Variants in SEMA3E observed in about 807,000 individuals in gnomAD.
The protein encoded by SEMA3E is semaphorin-3E.
SEMA3E carries 49 observed loss-of-function variants against 93.6 expected under a neutral mutation model. The ratio of observed to expected loss-of-function variants is 0.52; its 90% CI spans 0.42 to 0.66. The LOEUF is 0.66. SEMA3E is among the 30% of genes least tolerant of loss of function. The pLI is 0.00. For missense variants in SEMA3E, 906 were observed against 964.8 expected (o/e 0.94, Z 0.81); for synonymous variants, 363 against 330.7 (o/e 1.10, Z -1.06).
intron 4 of SEMA3E, among the ~76,000 whole-genome samples, chr7:83,466,097 ATATTT>A (rs1562794703): frequency 6.6e-6 from 1 of 152,156 alleles, no homozygotes; most frequent in African/African-American, 2.4e-5. Flanking sequence ...GTAAAATATT[ATATTT>A]TATTTATGTA....
chr7:83,387,907 A>T (rs181170572), intron 14 of SEMA3E, among the ~76,000 whole-genome samples: 20 of 132,528 alleles, frequency 1.5e-4, no homozygotes, highest in African/African-American at 4.4e-4. Context: ...TATATATATA[A>T]AATTCCAGAA....
At chr7:83,380,080 A>G (rs182035290) in intron 16 of SEMA3E, among the ~76,000 whole-genome samples, 26 of 151,884 alleles carry the variant, frequency 1.7e-4, no homozygotes, top group African/African-American at 6.0e-4. Flanking sequence ...AGTTAACTCA[A>G]CAACTTTCTC....
At chr7:83,578,674 AAAG>A (rs1792458330) in intron 1 of SEMA3E, among the ~76,000 whole-genome samples, 1 of 152,192 alleles carries the variant, frequency 6.6e-6, no homozygotes, top group Non-Finnish European at 1.5e-5. Flanking sequence ...GTTATAAAAA[AAAG>A]AAGGTAGAAA....
intron 4 of SEMA3E, among the ~76,000 whole-genome samples, chr7:83,451,463 C>A: frequency 6.6e-6 from 1 of 151,876 alleles, no homozygotes; most frequent in Non-Finnish European, 1.5e-5. Context: ...TGTAACAAAC[C>A]CATTCATTTA....
intron 9 of SEMA3E, 120 bp from the exon 10 acceptor site, chr7:83,402,896 A>T (rs544218452): frequency 3.3e-6 from 3 of 916,052 alleles, no homozygotes; most frequent in Non-Finnish European, 5.1e-6. Context: ...CAATTTCTTT[A>T]AGCAAAGAAT....
At chr7:83,496,078 T>C (rs1244998309) in intron 1 of SEMA3E, among the ~76,000 whole-genome samples, 1 of 151,958 alleles carries the variant, frequency 6.6e-6, no homozygotes, top group Non-Finnish European at 1.5e-5. Context: ...TTTTATGTCA[T>C]GTAATCATTG....
At chr7:83,521,779 C>A (rs1791055033) in intron 1 of SEMA3E, among the ~76,000 whole-genome samples, 1 of 152,070 alleles carries the variant, frequency 6.6e-6, no homozygotes, top group African/African-American at 2.4e-5. Context: ...GCCCTCCTGT[C>A]TCTTCATATA....
Position 83,367,173 on chromosome 7 carries a change from A to G in SEMA3E, c.*413T>C, listed in dbSNP as rs964315648. 7 of 219,390 alleles carry G rather than the reference A, an allele frequency of 3.2e-5. No individual in the cohort carries two copies. In the East Asian group the frequency reaches 8.5e-4, roughly 27 times the overall value. 13.6% of individuals were successfully genotyped at this position (219,390 alleles called of 1,614,324 possible). ...GTATCTTGTATTCTGCATATCTTAC[A>G]TTGTGATGGAAAAGAAAAATTCAGA... is the stretch of plus-strand genomic sequence containing the variant. On this transcript the variant is annotated 3_prime_UTR_variant, in exon 17 of 17. Coordinates refer to ENST00000643230, the MANE Select transcript of SEMA3E (RefSeq NM_012431.3).
chr7:83,555,359 CTTTT>C (rs1791866097), intron 1 of SEMA3E, among the ~76,000 whole-genome samples: 2 of 152,058 alleles, frequency 1.3e-5, no homozygotes, highest in Admixed American at 6.6e-5. Flanking sequence ...TGATGTGTTA[CTTTT>C]TTCTTTTTTC....
intron 5 of SEMA3E, 122 bp from the exon 6 acceptor site, chr7:83,408,609 T>A: frequency 9.0e-7 from 1 of 1,109,834 alleles, no homozygotes; most frequent in Non-Finnish European, 1.3e-6. Context: ...CTATTGCTGT[T>A]AGGAGCATGG....
intron 1 of SEMA3E, among the ~76,000 whole-genome samples, chr7:83,612,392 A>G (rs1793284271): frequency 6.6e-6 from 1 of 152,084 alleles, no homozygotes; most frequent in African/African-American, 2.4e-5. Context: ...AGGTCATACT[A>G]TGGCAGGCAC....
At chr7:83,632,172 G>T (rs932768680) in intron 1 of SEMA3E, among the ~76,000 whole-genome samples, 2 of 149,394 alleles carry the variant, frequency 1.3e-5, no homozygotes, top group Non-Finnish European at 3.0e-5. Flanking sequence ...AAAAAAAAAA[G>T]TCATTGGTTA....
chr7:83,611,608 G>T (rs1229920306), intron 1 of SEMA3E, among the ~76,000 whole-genome samples: 1 of 151,040 alleles, frequency 6.6e-6, no homozygotes, highest in African/African-American at 2.4e-5. Context: ...AATCATCCTT[G>T]GTACCTCTCT....
chr7:83,448,465 T>C (rs1333581044), intron 4 of SEMA3E, among the ~76,000 whole-genome samples: 1 of 152,084 alleles, frequency 6.6e-6, no homozygotes, highest in Non-Finnish European at 1.5e-5. Flanking sequence ...TGAGCTATGA[T>C]TTTGCCACTA....
intron 1 of SEMA3E, among the ~76,000 whole-genome samples, chr7:83,624,473 A>G (rs761804035): frequency 6.6e-6 from 1 of 152,182 alleles, no homozygotes; most frequent in Non-Finnish European, 1.5e-5. Flanking sequence ...TCTAATGATC[A>G]GTGATGATAA....
chr7:83,628,842 G>A (rs1287775508), intron 1 of SEMA3E, among the ~76,000 whole-genome samples: 1 of 151,954 alleles, frequency 6.6e-6, no homozygotes, highest in African/African-American at 2.4e-5. Context: ...GAGGAGTTGT[G>A]ATCCTTTGGA....
rs557724783 is a variant in SEMA3E at position 83,616,524 on chromosome 7, A to G, written c.115+31904T>C. On this transcript the variant is annotated intron_variant, in intron 1 of 16. Transcript: ENST00000643230. ...AAAAAATAGCGGGCAAACTGGCTCC[A>G]GTCTACTTATTCAATGATATTCCCT... The G allele has an allele frequency of 9.3e-4, 213 of 230,118 alleles. 1 individual carries two copies. Among genetic ancestry groups the G allele is most frequent in the Non-Finnish European group, 1.4e-3 (157 of 111,250 alleles). The allele number at this position is 230,118 out of a possible 1,614,324, so 14.3% of individuals were successfully genotyped here.
At chr7:83,445,292 T>G (rs1789203008) in intron 4 of SEMA3E, among the ~76,000 whole-genome samples, 1 of 152,222 alleles carries the variant, frequency 6.6e-6, no homozygotes, top group Admixed American at 6.5e-5. Context: ...GCAAAATTTT[T>G]GTTTGTTTTA....
chr7:83,405,588 C>T (rs1788314280), intron 8 of SEMA3E, 69 bp from the exon 9 acceptor site: 5 of 1,255,814 alleles, frequency 4.0e-6, no homozygotes, highest in Non-Finnish European at 5.8e-6. Flanking sequence ...AAAATTTATT[C>T]ACCTAAATTT....
Sources: allele counts gnomAD v4.1 joint callset (sites outside exome capture counted in the v4.1 genomes callset), GRCh38; gene constraint gnomAD v4.1.1; transcripts MANE v1.5; gene names NCBI Gene and HGNC (gene_info 2026-07-23, HGNC 2026-07-21).